DLG2: variants seen among roughly 807,000 people sequenced by gnomAD.
DLG2 encodes the protein discs large MAGUK scaffold protein 2, also known as disks large homolog 2.
A neutral mutation model predicts 132.5 loss-of-function variants in DLG2; 45 were observed. That is an observed-to-expected ratio of 0.34 (90% CI 0.27 to 0.44). DLG2 has a LOEUF of 0.44. Ranked by LOEUF, DLG2 falls within the 20% of genes least tolerant of loss-of-function variation. The pLI, the probability that DLG2 is intolerant of heterozygous loss-of-function variation, is 1.00. For missense variants in DLG2, 1,045 were observed against 1,196.9 expected (o/e 0.87, Z 1.87); for synonymous variants, 424 against 419.6 (o/e 1.01, Z -0.13).
intron 7 of DLG2, among the ~76,000 whole-genome samples, chr11:84,324,199 T>C (rs531536477): frequency 1.3e-5 from 2 of 152,228 alleles, no homozygotes; most frequent in South Asian, 4.1e-4. Context: ...TTAGGTCTTA[T>C]CTTCAGGTCT....
At chr11:85,432,486 C>T (rs1298086841) in intron 3 of DLG2, among the ~76,000 whole-genome samples, 1 of 151,868 alleles carries the variant, frequency 6.6e-6, no homozygotes, top group African/African-American at 2.4e-5. Flanking sequence ...TAGAGAGAAA[C>T]ATAAATGACC....
chr11:84,427,633 T>C (rs960759101), intron 7 of DLG2, among the ~76,000 whole-genome samples: 1 of 152,190 alleles, frequency 6.6e-6, no homozygotes, highest in African/African-American at 2.4e-5. Flanking sequence ...AAAAGACTTA[T>C]TTTTCTCAAT....
At chr11:85,277,994 A>G (rs1427203635) in intron 4 of DLG2, among the ~76,000 whole-genome samples, 2 of 152,192 alleles carry the variant, frequency 1.3e-5, no homozygotes, top group Admixed American at 6.5e-5. Flanking sequence ...GACCTGAAGA[A>G]AAGCATTTAA....
intron 3 of DLG2, among the ~76,000 whole-genome samples, chr11:85,516,126 C>T (rs1420600618): frequency 6.6e-6 from 1 of 151,920 alleles, no homozygotes; most frequent in Non-Finnish European, 1.5e-5. Context: ...TGGAATACAA[C>T]TAGAAATCAA....
intron 15 of DLG2, among the ~76,000 whole-genome samples, chr11:83,891,646 A>G (rs968778420): frequency 1.3e-5 from 2 of 152,172 alleles, no homozygotes; most frequent in Non-Finnish European, 2.9e-5. Flanking sequence ...TAGCATTTTC[A>G]GGGACCAGTC....
intron 7 of DLG2, among the ~76,000 whole-genome samples, chr11:84,301,329 A>G (rs189919577): frequency 7.2e-5 from 11 of 152,288 alleles, no homozygotes; most frequent in African/African-American, 2.4e-4. Flanking sequence ...CCACAATGAG[A>G]TACCATCTCA....
At chr11:84,415,694 C>G (rs2098927189) in intron 7 of DLG2, among the ~76,000 whole-genome samples, 1 of 152,150 alleles carries the variant, frequency 6.6e-6, no homozygotes, top group Non-Finnish European at 1.5e-5. Flanking sequence ...GCTTGACTCA[C>G]TTTTTTGATA....
At chr11:84,580,151 C>T (rs535221943) in intron 6 of DLG2, among the ~76,000 whole-genome samples, 2 of 152,040 alleles carry the variant, frequency 1.3e-5, no homozygotes, top group Non-Finnish European at 2.9e-5. Context: ...CCTCAGTAAT[C>T]GATTAAAGTG....
At chr11:83,491,965 A>G (rs1006585004) in intron 21 of DLG2, among the ~76,000 whole-genome samples, 4 of 152,034 alleles carry the variant, frequency 2.6e-5, no homozygotes, top group Non-Finnish European at 5.9e-5. Flanking sequence ...AATCCAGCCC[A>G]CTATGTGTTT....
At chr11:84,919,581 A>G (rs951871116) in intron 6 of DLG2, among the ~76,000 whole-genome samples, 3 of 152,132 alleles carry the variant, frequency 2.0e-5, no homozygotes, top group African/African-American at 4.8e-5. Flanking sequence ...GCCTCTCTCT[A>G]CCTTAGTTTT....
chr11:85,532,531 G>A (rs1485060374), intron 3 of DLG2, among the ~76,000 whole-genome samples: 3 of 152,098 alleles, frequency 2.0e-5, no homozygotes, highest in Admixed American at 1.3e-4. Flanking sequence ...TCAATTATTG[G>A]CTAAGTTACA....
chr11:83,495,489 A>G (rs2094104951), intron 21 of DLG2, among the ~76,000 whole-genome samples: 1 of 152,130 alleles, frequency 6.6e-6, no homozygotes, highest in Admixed American at 6.6e-5. Flanking sequence ...CTTGAAGTTG[A>G]GTTAGTATCC....
chr11:85,294,508 T>A (rs1250796370), intron 3 of DLG2, among the ~76,000 whole-genome samples: 3 of 152,168 alleles, frequency 2.0e-5, no homozygotes, highest in Admixed American at 6.6e-5. Context: ...AAAATGGCCC[T>A]GGCTCTGCTA....
chr11:85,198,943 G>T (rs2081253917), intron 4 of DLG2, among the ~76,000 whole-genome samples: 1 of 152,102 alleles, frequency 6.6e-6, no homozygotes, highest in Non-Finnish European at 1.5e-5. Flanking sequence ...AATTCACCCA[G>T]TTATCTTCAA....
intron 7 of DLG2, among the ~76,000 whole-genome samples, chr11:84,502,259 C>CTTCCTTCTTTCTTTCTTTCT (rs2099214712): frequency 3.0e-5 from 1 of 33,592 alleles, no homozygotes; most frequent in Admixed American, 2.5e-4. Flanking sequence ...TCCTTCCTTC[C>CTTCCTTCTTTCTTTCTTTCT]TTCCTTCCTT....
In DLG2 at chr11:84,098,962, A is replaced by G; in HGVS notation, c.710T>C (p.Ile237Thr). 3 of 1,613,610 alleles carry G rather than the reference A, an allele frequency of 1.9e-6. No individual in the cohort carries two copies. The highest frequency in any genetic ancestry group is 2.5e-6 in the Non-Finnish European group (3 of 1,179,796). ...CTCTGCTGCAGCACCTCCTGGTATA[A>G]TCTTCGTAATAAATATGCCAGGGTC... is the stretch of plus-strand genomic sequence containing the variant. ...GDDPGIFITKIIPGGAAAEDG... is the reference protein window; with the variant it reads ...GDDPGIFITKTIPGGAAAEDG... Residue 237 changes from isoleucine (I) to threonine (T), a missense_variant, in exon 10 of 28, where the codon ATT becomes ACT. Coordinates refer to ENST00000376104, the MANE Select transcript of DLG2 (RefSeq NM_001142699.3).
At chr11:85,602,734 G>A (rs2080256034) in intron 2 of DLG2, among the ~76,000 whole-genome samples, 1 of 152,054 alleles carries the variant, frequency 6.6e-6, no homozygotes, top group African/African-American at 2.4e-5. Flanking sequence ...TCTGACTTCA[G>A]CTCTTAGACC....
At chr11:83,858,985 T>C (rs2060998445) in intron 16 of DLG2, among the ~76,000 whole-genome samples, 1 of 152,222 alleles carries the variant, frequency 6.6e-6, no homozygotes, top group Non-Finnish European at 1.5e-5. Flanking sequence ...AATGGGAATT[T>C]CCCTGCACAG....
At position 84,617,446 on chromosome 11, in the gene DLG2, T is replaced by C. The variant is rs1232495228; in HGVS notation, c.358-82715A>G. On this transcript the variant is annotated intron_variant, in intron 6 of 27. Transcript: ENST00000376104. ...TATAAACAGTGCCAGAATAAACATA[T>C]GTTTGCATGTGTCTTTATAGTAGAT... is the stretch of plus-strand genomic sequence containing the variant. Among the ~76,000 whole-genome samples, 4 of 152,118 alleles carry C rather than the reference T, an allele frequency of 2.6e-5. No homozygotes were observed. The East Asian group carries it at 7.7e-4, about 29-fold the overall frequency.
Sources: allele counts gnomAD v4.1 joint callset (sites outside exome capture counted in the v4.1 genomes callset), GRCh38; gene constraint gnomAD v4.1.1; transcripts MANE v1.5; gene names NCBI Gene and HGNC (gene_info 2026-07-23, HGNC 2026-07-21).